ASXL2: variants seen among roughly 807,000 people sequenced by gnomAD.
The protein encoded by ASXL2 is putative Polycomb group protein ASXL2.
A neutral mutation model predicts 122.0 loss-of-function variants in ASXL2; 23 were observed. The ratio of observed to expected loss-of-function variants is 0.19; its 90% CI spans 0.14 to 0.27. ASXL2 has a LOEUF of 0.27. Among genes scored for constraint, ASXL2 ranks in the 10% least tolerant of loss-of-function variants. The probability of loss-of-function intolerance (pLI) is 1.00; values close to 1 mark genes in which losing one functional copy is unlikely to be tolerated. For synonymous variants in ASXL2, 650 were observed against 637.0 expected (o/e 1.02, Z -0.31); for missense variants, 1,518 against 1,713.8 (o/e 0.89, Z 2.02).
intron 3 of ASXL2, chr2:25,822,557 T>C (rs1574434096): frequency 4.0e-6 from 2 of 498,948 alleles, no homozygotes; most frequent in South Asian, 3.5e-5. Context: ...CATGTAAATT[T>C]TGAAAAATCC....
intron 5 of ASXL2, among the ~76,000 whole-genome samples, chr2:25,775,226 C>T (rs2088526615): frequency 6.6e-6 from 1 of 152,102 alleles, no homozygotes; most frequent in Admixed American, 6.6e-5. Flanking sequence ...TTCTCAGGTT[C>T]AAGTGATTCT....
intron 5 of ASXL2, among the ~76,000 whole-genome samples, chr2:25,783,022 G>A (rs780616801): frequency 2.0e-5 from 3 of 151,826 alleles, no homozygotes; most frequent in Admixed American, 6.6e-5. Flanking sequence ...CCAGCCACTC[G>A]GCAGGCTGAG....
intron 9 of ASXL2, among the ~76,000 whole-genome samples, chr2:25,757,921 C>CAAA (rs10524530): frequency 7.9e-6 from 1 of 127,352 alleles, no homozygotes. Context: ...GAGTCTTTAA[C>CAAA]AAAAAAAAAA....
intron 3 of ASXL2, among the ~76,000 whole-genome samples, chr2:25,810,863 A>G (rs1309449586): frequency 6.6e-6 from 1 of 152,206 alleles, no homozygotes; most frequent in Non-Finnish European, 1.5e-5. Flanking sequence ...GGGAATGTGC[A>G]CACAGTATAT....
chr2:25,798,423 C>T (rs930312638), intron 5 of ASXL2, among the ~76,000 whole-genome samples: 3 of 152,144 alleles, frequency 2.0e-5, no homozygotes, highest in African/African-American at 4.8e-5. Flanking sequence ...AAGGTTCCAA[C>T]TATATGACAT....
At chr2:25,782,403 G>A (rs528777530) in intron 5 of ASXL2, among the ~76,000 whole-genome samples, 64 of 151,988 alleles carry the variant, frequency 4.2e-4, no homozygotes, top group African/African-American at 1.3e-3. Flanking sequence ...AAAATTAGCC[G>A]GGCGTGGTGA....
At chr2:25,770,015 C>G (rs2088418877) in intron 6 of ASXL2, among the ~76,000 whole-genome samples, 1 of 152,134 alleles carries the variant, frequency 6.6e-6, no homozygotes, top group Admixed American at 6.5e-5. Context: ...ATTGACTGAC[C>G]ATTGATTATC....
chr2:25,764,857 G>T (rs771463834), intron 8 of ASXL2, among the ~76,000 whole-genome samples: 4 of 152,110 alleles, frequency 2.6e-5, no homozygotes, highest in Non-Finnish European at 2.9e-5. Flanking sequence ...TAAAAGACTG[G>T]GAAGTAGTTG....
chr2:25,824,992 T>C (rs1223479689), intron 3 of ASXL2, among the ~76,000 whole-genome samples: 2 of 152,216 alleles, frequency 1.3e-5, no homozygotes, highest in Admixed American at 1.3e-4. Context: ...ATAATCCTTC[T>C]CATTCTAAAG....
At chr2:25,833,322 A>G (rs1386192277) in intron 3 of ASXL2, among the ~76,000 whole-genome samples, 2 of 152,182 alleles carry the variant, frequency 1.3e-5, no homozygotes, top group African/African-American at 4.8e-5. Context: ...TTTCTGTTGT[A>G]CTTTAATTTT....
chr2:25,861,159 C>T (rs538142564), intron 1 of ASXL2, among the ~76,000 whole-genome samples: 25 of 151,988 alleles, frequency 1.6e-4, no homozygotes, highest in African/African-American at 5.5e-4. Context: ...GAAATCAATA[C>T]GAAAAAACTA....
At chr2:25,862,322 G>A (rs1005488828) in intron 1 of ASXL2, among the ~76,000 whole-genome samples, 4 of 152,226 alleles carry the variant, frequency 2.6e-5, no homozygotes, top group African/African-American at 7.2e-5. Flanking sequence ...TTAAGGCACC[G>A]AAAAACTAAG....
chr2:25,780,443 T>C (rs2149161115), intron 5 of ASXL2: 1 of 152,368 alleles, frequency 6.6e-6, no homozygotes, highest in African/African-American at 2.4e-5. Flanking sequence ...TCTGGTCTTT[T>C]GTTCTCATGA....
intron 1 of ASXL2, among the ~76,000 whole-genome samples, chr2:25,859,830 T>A (rs1220015132): frequency 1.3e-5 from 2 of 152,182 alleles, no homozygotes; most frequent in South Asian, 2.1e-4. Context: ...CCCTAAATAT[T>A]TGGAAACTAA....
chr2:25,826,298 G>A (rs2089375837), intron 3 of ASXL2, among the ~76,000 whole-genome samples: 2 of 152,116 alleles, frequency 1.3e-5, no homozygotes, highest in African/African-American at 4.8e-5. Flanking sequence ...AATGACAGTT[G>A]TTTAAGTATT....
chr2:25,787,941 T>C (rs1261090230), intron 5 of ASXL2, among the ~76,000 whole-genome samples: 1 of 151,852 alleles, frequency 6.6e-6, no homozygotes, highest in African/African-American at 2.4e-5. Context: ...AAGAACAAAA[T>C]GGAAAGAATT....
At position 25,738,327 on chromosome 2, in the gene ASXL2, G is replaced by C. The variant is rs1424432932; in HGVS notation, c.*3702C>G. The C allele has an allele frequency of 3.9e-5, 6 of 152,156 alleles. No homozygotes were observed. The East Asian group carries it at 1.2e-3, about 29-fold the overall frequency. The allele number at this position is 152,156 out of a possible 1,614,324, so 9.4% of individuals were successfully genotyped here. A position where few individuals can be genotyped will look rare whatever the true frequency, so the allele number is the denominator to read the frequency against. On this transcript the variant is annotated 3_prime_UTR_variant, in exon 13 of 13. Transcript: ENST00000435504. ...AACTTTAGGAAATGTTTTACCTACT[G>C]TTCTCTTTCAATAGGTTTGTAGGTA...
At chr2:25,841,374 A>G (rs1444747011) in intron 2 of ASXL2, among the ~76,000 whole-genome samples, 1 of 152,148 alleles carries the variant, frequency 6.6e-6, no homozygotes, top group African/African-American at 2.4e-5. Flanking sequence ...TCTTCCAACT[A>G]ATAATACCTC....
At position 25,738,217 on chromosome 2, in the gene ASXL2, T is replaced by C. The variant is rs1364590642; in HGVS notation, c.*3812A>G. 6.6e-6 allele frequency: 1 copy of C among 152,150 alleles called. No homozygotes were observed. The highest frequency in any genetic ancestry group is 2.4e-5 in the African/African-American group (1 of 41,426). The allele number at this position is 152,150 out of a possible 1,614,324, so 9.4% of individuals were successfully genotyped here. On this transcript the variant is annotated 3_prime_UTR_variant, in exon 13 of 13. Coordinates refer to ENST00000435504, the MANE Select transcript of ASXL2 (RefSeq NM_018263.6). ...TTAAAATATATTACTGGAAAGCTAT[T>C]TTTAAAATTGATCTTCAATAGTTGT...
Sources: gnomAD v4.1 joint callset for allele counts (sites outside exome capture counted in the v4.1 genomes callset) on GRCh38, gnomAD v4.1.1 for gene constraint, MANE v1.5 for transcripts, NCBI Gene and HGNC (gene_info 2026-07-23, HGNC 2026-07-21) for gene names.